Variants in SLC22A3 observed in about 807,000 individuals in gnomAD.
SLC22A3 encodes the protein solute carrier family 22 member 3.
SLC22A3 carries 51 observed loss-of-function variants against 59.1 expected under a neutral mutation model. The observed-to-expected ratio is 0.86, with a 90% CI of 0.69 to 1.09. The LOEUF is 1.09. Ranked by LOEUF, SLC22A3 falls within the 50% of genes least tolerant of loss-of-function variation. SLC22A3 has a pLI of 0.00. For missense variants in SLC22A3, 711 were observed against 726.3 expected (o/e 0.98, Z 0.24); for synonymous variants, 325 against 292.0 (o/e 1.11, Z -1.15).
chr6:160,418,054 G>A (rs886328447), intron 5 of SLC22A3, among the ~76,000 whole-genome samples: 7 of 152,184 alleles, frequency 4.6e-5, no homozygotes, highest in African/African-American at 1.4e-4. Flanking sequence ...TTGGATTGAA[G>A]GATGCCTAGA....
intron 7 of SLC22A3, 74 bp from the exon 8 acceptor site, chr6:160,442,687 C>T: frequency 1.7e-6 from 2 of 1,145,496 alleles, no homozygotes; most frequent in Non-Finnish European, 2.6e-6. Flanking sequence ...TAAGCAAATA[C>T]TTTTTGTTGT....
intron 8 of SLC22A3, among the ~76,000 whole-genome samples, chr6:160,443,269 T>C (rs762119745): frequency 1.3e-5 from 2 of 152,198 alleles, no homozygotes; most frequent in Non-Finnish European, 2.9e-5. Context: ...AAGGATGAAA[T>C]GAAACAGTGT....
intron 1 of SLC22A3, among the ~76,000 whole-genome samples, chr6:160,367,607 T>A (rs901896348): frequency 1.3e-5 from 2 of 152,250 alleles, no homozygotes; most frequent in African/African-American, 2.4e-5. Flanking sequence ...GCCATGCTGC[T>A]GCTCAGTGTC....
intron 1 of SLC22A3, among the ~76,000 whole-genome samples, chr6:160,373,535 G>A (rs991369586): frequency 2.6e-5 from 4 of 152,182 alleles, no homozygotes; most frequent in Non-Finnish European, 5.9e-5. Context: ...CTTGAGTGCT[G>A]TGCTGGGAGA....
intron 10 of SLC22A3, among the ~76,000 whole-genome samples, 191 bp downstream of exon 10, chr6:160,448,009 A>G (rs1356945998): frequency 2.0e-5 from 3 of 152,208 alleles, no homozygotes; most frequent in Non-Finnish European, 4.4e-5. Flanking sequence ...GCTAGATAAG[A>G]GTATGCATTG....
chr6:160,421,411 T>C (rs138209047), intron 5 of SLC22A3, among the ~76,000 whole-genome samples: 6 of 152,310 alleles, frequency 3.9e-5, no homozygotes, highest in African/African-American at 1.4e-4. Context: ...CGACATGACA[T>C]TGGCAACTGC....
At chr6:160,353,767 G>A (rs917605768) in intron 1 of SLC22A3, among the ~76,000 whole-genome samples, 4 of 152,024 alleles carry the variant, frequency 2.6e-5, no homozygotes, top group African/African-American at 4.8e-5. Flanking sequence ...CAAACATCTA[G>A]GGCCCTTTTC....
intron 1 of SLC22A3, among the ~76,000 whole-genome samples, chr6:160,355,798 A>AACAACAAC (rs10645306): frequency 1.3e-5 from 2 of 150,904 alleles, no homozygotes; most frequent in Non-Finnish European, 3.0e-5. Context: ...CAACAACAAC[A>AACAACAAC]AAAAACTTGT....
intron 1 of SLC22A3, among the ~76,000 whole-genome samples, chr6:160,362,095 G>T (rs410926): frequency 0.82 from 124,371 of 152,168 alleles, 51,091 homozygotes; most frequent in East Asian, 0.92. Flanking sequence ...TGTTTACCTG[G>T]GGGTGTCACC....
At chr6:160,428,509 A>G (rs988217176) in intron 5 of SLC22A3, among the ~76,000 whole-genome samples, 1 of 152,244 alleles carries the variant, frequency 6.6e-6, no homozygotes, top group Non-Finnish European at 1.5e-5. Flanking sequence ...TCAAAGATTT[A>G]ATAGGAAGCA....
chr6:160,432,879 C>T (rs536028385), intron 5 of SLC22A3, among the ~76,000 whole-genome samples: 13 of 152,252 alleles, frequency 8.5e-5, no homozygotes, highest in African/African-American at 2.9e-4. Flanking sequence ...GTCTGTGTGT[C>T]CTCCTTGGGT....
chr6:160,448,044 G>A (rs1473411281), intron 10 of SLC22A3, among the ~76,000 whole-genome samples: 2 of 152,094 alleles, frequency 1.3e-5, no homozygotes, highest in Non-Finnish European at 2.9e-5. Flanking sequence ...GTTGTGAAGA[G>A]AGAAGCATTT....
At chr6:160,395,807 TCATTA>T (rs1786447827) in intron 1 of SLC22A3, among the ~76,000 whole-genome samples, 1 of 152,208 alleles carries the variant, frequency 6.6e-6, no homozygotes, top group Admixed American at 6.5e-5. Flanking sequence ...AGGTGACAGG[TCATTA>T]GCTGTAAAAC....
At chr6:160,350,344 A>G (rs1163859474) in intron 1 of SLC22A3, among the ~76,000 whole-genome samples, 3 of 152,232 alleles carry the variant, frequency 2.0e-5, no homozygotes, top group Non-Finnish European at 4.4e-5. Flanking sequence ...CCCTGGCAAG[A>G]CAGCCAGGCA....
chr6:160,365,812 G>T (rs1220874846), intron 1 of SLC22A3, among the ~76,000 whole-genome samples: 2 of 152,048 alleles, frequency 1.3e-5, no homozygotes, highest in Non-Finnish European at 1.5e-5. Context: ...CAGAATGTTT[G>T]GGGAGGCCTC....
intron 1 of SLC22A3, among the ~76,000 whole-genome samples, chr6:160,361,584 T>C (rs1441052151): frequency 6.6e-6 from 1 of 152,242 alleles, no homozygotes. Context: ...TGTGTTCAAC[T>C]CACTTAATCC....
At chr6:160,362,472 C>G (rs2114754354) in intron 1 of SLC22A3, among the ~76,000 whole-genome samples, 1 of 152,346 alleles carries the variant, frequency 6.6e-6, no homozygotes, top group South Asian at 2.1e-4. Context: ...AAACGCTTTC[C>G]TTTTTCCTTC....
intron 1 of SLC22A3, among the ~76,000 whole-genome samples, chr6:160,396,894 G>A (rs1454394343): frequency 6.6e-6 from 1 of 151,844 alleles, no homozygotes; most frequent in African/African-American, 2.4e-5. Flanking sequence ...ATAGAAGTAT[G>A]GTGACAAAAC....
Position 160,398,310 on chromosome 6 carries a change from G to C in SLC22A3, c.533+228G>C, listed in dbSNP as rs775372602. On this transcript the variant is annotated intron_variant, in intron 2 of 10. Coordinates refer to ENST00000275300, the MANE Select transcript of SLC22A3 (RefSeq NM_021977.4). ...TCACAAAGGTCTGAGGCTGTTCCCG[G>C]TAGGACTGAGAGCATCAGAATGAAA... Among the ~76,000 whole-genome samples, 110 of 152,078 alleles carry C rather than the reference G, an allele frequency of 7.2e-4. 2 individuals are homozygous for C. Among genetic ancestry groups the C allele is most frequent in the Non-Finnish European group, 3.4e-4 (23 of 68,026 alleles).
Sources: allele counts gnomAD v4.1 joint callset (sites outside exome capture counted in the v4.1 genomes callset), GRCh38; gene constraint gnomAD v4.1.1; transcripts MANE v1.5; gene names NCBI Gene and HGNC (gene_info 2026-07-23, HGNC 2026-07-21).